Variants in MAST2 observed in about 807,000 individuals in gnomAD.
The protein encoded by MAST2 is microtubule associated serine/threonine kinase 2, also known as microtubule-associated serine/threonine-protein kinase 2.
Under a neutral mutation model 147.4 loss-of-function variants are expected in MAST2, and 70 were observed. The observed-to-expected ratio is 0.47, with a 90% confidence interval of 0.39 to 0.58. The LOEUF (loss-of-function observed/expected upper bound fraction) is 0.58. MAST2 is among the 20% of genes least tolerant of loss of function. MAST2 has a pLI of 0.00. For missense variants in MAST2, 2,080 were observed against 2,302.3 expected (o/e 0.90, Z 1.98); for synonymous variants, 869 against 896.8 (o/e 0.97, Z 0.55).
intron 5 of MAST2, among the ~76,000 whole-genome samples, chr1:45,992,357 G>A (rs1644886716): frequency 6.6e-6 from 1 of 152,180 alleles, no homozygotes; most frequent in African/African-American, 2.4e-5. Flanking sequence ...ATTTTCAAAT[G>A]TTGAGCCATC....
At chr1:45,835,336 C>G (rs1570296827) in intron 3 of MAST2, among the ~76,000 whole-genome samples, 1 of 152,004 alleles carries the variant, frequency 6.6e-6, no homozygotes, top group East Asian at 1.9e-4. Context: ...GAGCCATGAT[C>G]AAGGAGTGAT....
intron 10 of MAST2, among the ~76,000 whole-genome samples, chr1:46,013,899 T>C (rs1178735686): frequency 6.6e-6 from 1 of 152,116 alleles, no homozygotes; most frequent in Non-Finnish European, 1.5e-5. Flanking sequence ...AAAGAATAAA[T>C]GGGATTTCAC....
chr1:45,829,691 C>A, intron 3 of MAST2, 110 bp downstream of exon 3: 1 of 1,146,442 alleles, frequency 8.7e-7, no homozygotes, highest in Non-Finnish European at 1.2e-6. Flanking sequence ...TTCAGTTTCC[C>A]AAAATGAAGT....
At chr1:45,932,159 G>A (rs1461726191) in intron 4 of MAST2, among the ~76,000 whole-genome samples, 1 of 152,018 alleles carries the variant, frequency 6.6e-6, no homozygotes, top group Non-Finnish European at 1.5e-5. Flanking sequence ...AGTATTTTAT[G>A]GGAATGTTCT....
In MAST2 at chr1:45,939,035, GA is replaced by G. The variant is rs138285065; in HGVS notation, c.501-20348del. Among the ~76,000 whole-genome samples, 1,411 of 151,810 alleles carry G rather than the reference GA, an allele frequency of 9.3e-3. 16 individuals carry two copies. The highest frequency in any genetic ancestry group is 0.029 in the African/African-American group (1,201 of 41,450). ...TCCATGTATTTGGATGGTGTCGTTT[GA>G]AATGCAAAAATTGATAATTTTTTAT... On this transcript the variant is annotated intron_variant, in intron 4 of 28. Coordinates refer to ENST00000361297, the MANE Select transcript of MAST2 (RefSeq NM_015112.3).
intron 4 of MAST2, among the ~76,000 whole-genome samples, chr1:45,930,618 C>G (rs753816736): frequency 1.3e-5 from 2 of 152,050 alleles, no homozygotes; most frequent in Non-Finnish European, 2.9e-5. Context: ...AAGCTTTCAG[C>G]CTTATTCACC....
At chr1:45,895,996 A>G (rs973454156) in intron 4 of MAST2, among the ~76,000 whole-genome samples, 5 of 152,140 alleles carry the variant, frequency 3.3e-5, no homozygotes, top group Non-Finnish European at 7.4e-5. Context: ...TCTTTTAATA[A>G]CAATGCCAAA....
chr1:45,853,850 T>C (rs1645702751), intron 3 of MAST2, among the ~76,000 whole-genome samples: 1 of 152,200 alleles, frequency 6.6e-6, no homozygotes, highest in African/African-American at 2.4e-5. Context: ...CTCTGTGTTC[T>C]TTTAAAAATT....
At chr1:45,882,500 T>G (rs1646895903) in intron 4 of MAST2, 105 bp downstream of exon 4, 2 of 886,212 alleles carry the variant, frequency 2.3e-6, no homozygotes, top group Middle Eastern at 2.5e-4. Flanking sequence ...AGTACACAAT[T>G]TCTTTCTGTG....
intron 3 of MAST2, among the ~76,000 whole-genome samples, chr1:45,867,354 T>G (rs1363963467): frequency 3.3e-5 from 5 of 152,194 alleles, no homozygotes; most frequent in Non-Finnish European, 5.9e-5. Flanking sequence ...TTCCTAAAAC[T>G]TTTCCAGAAG....
At chr1:46,029,089 T>C in intron 18 of MAST2, 156 bp downstream of exon 18, 3 of 801,214 alleles carry the variant, frequency 3.7e-6, no homozygotes, top group Non-Finnish European at 5.9e-6. Flanking sequence ...TCTGTGTTTC[T>C]GCATGTACAT....
intron 6 of MAST2, among the ~76,000 whole-genome samples, chr1:46,000,428 G>C (rs187323147): frequency 6.9e-4 from 105 of 152,344 alleles, no homozygotes; most frequent in African/African-American, 2.5e-3. Context: ...TAGGTGCGAG[G>C]ACCCAGGTGT....
At chr1:45,960,074 G>C (rs1286956355) in intron 5 of MAST2, among the ~76,000 whole-genome samples, 1 of 152,146 alleles carries the variant, frequency 6.6e-6, no homozygotes, top group Non-Finnish European at 1.5e-5. Context: ...CCGGGTTGGA[G>C]TATTTGTTTC....
intron 10 of MAST2, among the ~76,000 whole-genome samples, chr1:46,014,618 G>C (rs1210053703): frequency 6.6e-6 from 1 of 151,824 alleles, no homozygotes; most frequent in East Asian, 1.9e-4. Context: ...TCAACAAGAA[G>C]AGCTAACTAT....
chr1:45,917,801 C>T (rs746617644), intron 4 of MAST2, among the ~76,000 whole-genome samples: 4 of 152,106 alleles, frequency 2.6e-5, no homozygotes, highest in Non-Finnish European at 4.4e-5. Flanking sequence ...TGACCTGTGA[C>T]CACCCCATAG....
chr1:45,942,016 T>A (rs1175104792), intron 4 of MAST2, among the ~76,000 whole-genome samples: 3 of 152,184 alleles, frequency 2.0e-5, no homozygotes, highest in Non-Finnish European at 4.4e-5. Context: ...GTGAATAAGG[T>A]AAATGATGTC....
Position 45,947,877 on chromosome 1 carries a change from C to T in MAST2, c.501-11509C>T, listed in dbSNP as rs150283457. On this transcript the variant is annotated intron_variant, in intron 4 of 28. Coordinates refer to ENST00000361297, the MANE Select transcript of MAST2 (RefSeq NM_015112.3). ...GACTACAGTTGCCCGCCACCACACC[C>T]GGCTAATTTTTTGTATTTTTAGTAG... is the stretch of plus-strand genomic sequence containing the variant. Among the ~76,000 whole-genome samples, 1,028 of 152,264 alleles carry T rather than the reference C, an allele frequency of 6.8e-3. 12 individuals are homozygous for T. Among genetic ancestry groups the T allele is most frequent in the African/African-American group, 0.024 (989 of 41,546 alleles).
At chr1:45,884,313 T>C (rs966983930) in intron 4 of MAST2, among the ~76,000 whole-genome samples, 5 of 152,032 alleles carry the variant, frequency 3.3e-5, no homozygotes, top group African/African-American at 1.2e-4. Flanking sequence ...TTTGGGAGGC[T>C]GAGGTAGGTG....
intron 4 of MAST2, among the ~76,000 whole-genome samples, chr1:45,908,463 T>G (rs1461976518): frequency 1.3e-5 from 2 of 152,232 alleles, no homozygotes; most frequent in African/African-American, 4.8e-5. Flanking sequence ...CTGTATTCCA[T>G]AATTTGGTGT....
Sources: allele counts gnomAD v4.1 joint callset (sites outside exome capture counted in the v4.1 genomes callset), GRCh38; gene constraint gnomAD v4.1.1; transcripts MANE v1.5; gene names NCBI Gene and HGNC (gene_info 2026-07-23, HGNC 2026-07-21).